Variants in HDAC9 observed in about 807,000 individuals in gnomAD.
The protein encoded by HDAC9 is MEF-2 interacting transcription repressor (MITR) protein.
Under a neutral mutation model 139.4 loss-of-function variants are expected in HDAC9, and 41 were observed. The ratio of observed to expected loss-of-function variants is 0.29; its 90% CI spans 0.23 to 0.38. The LOEUF is 0.38. Ranked by LOEUF, HDAC9 falls within the 10% of genes least tolerant of loss-of-function variation. The pLI, the probability that HDAC9 is intolerant of heterozygous loss-of-function variation, is 1.00. For missense variants in HDAC9, 1,147 were observed against 1,297.0 expected, an observed-to-expected ratio of 0.88 and a Z score of 1.78; for synonymous variants, 517 against 476.2, an observed-to-expected ratio of 1.09 and a Z score of -1.12.
intron 1 of HDAC9, among the ~76,000 whole-genome samples, chr7:18,309,089 T>G (rs1351261318): frequency 2.0e-5 from 3 of 152,154 alleles, no homozygotes; most frequent in African/African-American, 7.2e-5. Context: ...AATGCATAAT[T>G]GTGAGTTTAC....
intron 2 of HDAC9, among the ~76,000 whole-genome samples, chr7:18,229,754 T>G (rs903266782): frequency 6.6e-6 from 1 of 152,142 alleles, no homozygotes; most frequent in Admixed American, 6.5e-5. Flanking sequence ...TTGAACACCT[T>G]TGAACATTTA....
At chr7:18,286,675 C>A (rs529254057), upstream of HDAC9, among the ~76,000 whole-genome samples, 6 of 151,764 alleles carry the variant, frequency 4.0e-5, no homozygotes, top group East Asian at 1.2e-3. Flanking sequence ...ATTTTTTAAG[C>A]CTTAGAGGAA....
chr7:18,157,165 C>T (rs897488822), intron 1 of HDAC9, among the ~76,000 whole-genome samples: 4 of 152,140 alleles, frequency 2.6e-5, no homozygotes, highest in Admixed American at 2.0e-4. Context: ...AAAGCATGGA[C>T]ACGCGAATGA....
chr7:18,793,242 T>C (rs1792488087), intron 16 of HDAC9, 103 bp from the exon 17 acceptor site: 2 of 761,920 alleles, frequency 2.6e-6, no homozygotes, highest in Non-Finnish European at 4.5e-6. Flanking sequence ...TTTCTCTCTC[T>C]GTCCCTCTTC....
intron 19 of HDAC9, among the ~76,000 whole-genome samples, chr7:18,834,528 CTTTT>C (rs5882682): frequency 1.4e-5 from 2 of 138,122 alleles, no homozygotes. Flanking sequence ...TTATATCAGG[CTTTT>C]TTTTTTTTTT....
At chr7:18,336,625 A>G (rs1403080189) in intron 1 of HDAC9, among the ~76,000 whole-genome samples, 2 of 151,714 alleles carry the variant, frequency 1.3e-5, no homozygotes, top group Non-Finnish European at 3.0e-5. Context: ...ATCTCATGCT[A>G]CATATTTCAA....
At chr7:18,490,080 G>A (rs1453837019) in intron 1 of HDAC9, among the ~76,000 whole-genome samples, 1 of 151,964 alleles carries the variant, frequency 6.6e-6, no homozygotes, top group Non-Finnish European at 1.5e-5. Context: ...TTTAAAAATT[G>A]TTCTCTAAAA....
intron 2 of HDAC9, among the ~76,000 whole-genome samples, chr7:18,525,819 T>C (rs1806685604): frequency 6.6e-6 from 1 of 152,114 alleles, no homozygotes; most frequent in Non-Finnish European, 1.5e-5. Flanking sequence ...GCCTTGGTTC[T>C]ACCTGACTTT....
At chr7:18,564,541 C>T (rs571199234) in intron 2 of HDAC9, among the ~76,000 whole-genome samples, 30 of 152,108 alleles carry the variant, frequency 2.0e-4, no homozygotes, top group Non-Finnish European at 3.2e-4. Flanking sequence ...AAAATAAGTG[C>T]GCAATTCTAA....
intron 2 of HDAC9, among the ~76,000 whole-genome samples, chr7:18,504,985 G>C (rs192653372): frequency 6.6e-6 from 1 of 152,278 alleles, no homozygotes; most frequent in Admixed American, 6.5e-5. Flanking sequence ...TCTTAATCCT[G>C]GGAGGTTTAA....
intron 14 of HDAC9, 111 bp downstream of exon 14, chr7:18,749,249 T>A (rs969297123): frequency 9.0e-7 from 1 of 1,110,190 alleles, no homozygotes; most frequent in African/African-American, 1.6e-5. Flanking sequence ...GCAAACACCA[T>A]GATTGATGAA....
rs186446224 is a variant in HDAC9 at position 18,356,145 on chromosome 7, A to G, written c.-42+65630A>G. ...AAAAAGAAAAAAAGGAAGATCCAGAATTGGGTCTTCAGACAGAATCATTAT... is the reference window on the plus strand; with the variant it reads ...AAAAAGAAAAAAAGGAAGATCCAGAGTTGGGTCTTCAGACAGAATCATTAT... On this transcript the variant is annotated intron_variant, in intron 1 of 3. Transcript: ENST00000413509. 2.0e-5 allele frequency among the ~76,000 whole-genome samples: 3 copies of G among 152,248 alleles called. No individual in the cohort carries two copies. The South Asian group carries it at 6.2e-4, about 32-fold the overall frequency.
At chr7:18,447,016 G>A (rs969456314) in intron 1 of HDAC9, among the ~76,000 whole-genome samples, 2 of 152,098 alleles carry the variant, frequency 1.3e-5, no homozygotes, top group African/African-American at 4.8e-5. Context: ...AAAACAAAAA[G>A]TTTTGAATAT....
intron 9 of HDAC9, 149 bp from the exon 10 acceptor site, chr7:18,647,635 TA>T (rs1787854572): frequency 8.3e-6 from 5 of 601,550 alleles, no homozygotes; most frequent in Non-Finnish European, 1.4e-5. Flanking sequence ...TGAGTTAGTT[TA>T]AAAAGTCCAT....
At chr7:18,765,737 T>A (rs754983143) in intron 15 of HDAC9, among the ~76,000 whole-genome samples, 14 of 152,332 alleles carry the variant, frequency 9.2e-5, no homozygotes, top group Non-Finnish European at 1.3e-4. Flanking sequence ...TTGCAAAATA[T>A]TCAAGGATAC....
chr7:18,382,817 A>G (rs1342174577), intron 1 of HDAC9, among the ~76,000 whole-genome samples: 1 of 152,228 alleles, frequency 6.6e-6, no homozygotes, highest in Non-Finnish European at 1.5e-5. Flanking sequence ...TGATAGCAAC[A>G]AAAAACATAA....
chr7:18,513,855 T>C (rs958288877), intron 2 of HDAC9, among the ~76,000 whole-genome samples: 1 of 152,202 alleles, frequency 6.6e-6, no homozygotes, highest in Non-Finnish European at 1.5e-5. Context: ...CAAAATAATT[T>C]TGATTTAGTG....
At chr7:18,135,434 C>T (rs1439726034) in intron 1 of HDAC9, among the ~76,000 whole-genome samples, 2 of 135,436 alleles carry the variant, frequency 1.5e-5, no homozygotes, top group Non-Finnish European at 3.2e-5. Flanking sequence ...GTATATCTCC[C>T]AATGCTATCC....
chr7:18,718,726 A>G (rs564602990), intron 12 of HDAC9, among the ~76,000 whole-genome samples: 1 of 152,324 alleles, frequency 6.6e-6, no homozygotes, highest in Non-Finnish European at 1.5e-5. Context: ...TAGTGCTGCT[A>G]TGAACACTCA....
Sources: allele counts gnomAD v4.1 joint callset (sites outside exome capture counted in the v4.1 genomes callset), GRCh38; gene constraint gnomAD v4.1.1; transcripts MANE v1.5; gene names NCBI Gene and HGNC (gene_info 2026-07-23, HGNC 2026-07-21).